Variants in ADGRB3 observed in about 807,000 individuals in gnomAD.
The protein encoded by ADGRB3 is adhesion G protein-coupled receptor B3, also known as brain-specific angiogenesis inhibitor 3.
Under a neutral mutation model 193.4 loss-of-function variants are expected in ADGRB3, and 37 were observed. The ratio of observed to expected loss-of-function variants is 0.19; its 90% CI spans 0.15 to 0.25. The LOEUF (loss-of-function observed/expected upper bound fraction) is 0.25, where lower values mean the gene tolerates loss of function less well. Ranked by LOEUF, ADGRB3 falls within the 10% of genes least tolerant of loss-of-function variation. The probability of loss-of-function intolerance (pLI) is 1.00; values close to 1 mark genes in which losing one functional copy is unlikely to be tolerated. For missense variants in ADGRB3, 1,637 were observed against 1,852.9 expected (o/e 0.88, Z 2.14); for synonymous variants, 690 against 644.2 (o/e 1.07, Z -1.08).
chr6:69,051,002 T>C (rs984693557), intron 15 of ADGRB3, among the ~76,000 whole-genome samples: 1 of 152,220 alleles, frequency 6.6e-6, no homozygotes, highest in African/African-American at 2.4e-5. Context: ...GAAGTCAGGT[T>C]ATTCCAAGTT....
At chr6:68,684,829 A>G (rs1221039298) in intron 3 of ADGRB3, among the ~76,000 whole-genome samples, 3 of 152,162 alleles carry the variant, frequency 2.0e-5, no homozygotes, top group South Asian at 2.1e-4. Context: ...TCAAATCACC[A>G]TATATTCCTG....
chr6:69,372,105 G>A (rs1426181541), intron 29 of ADGRB3, among the ~76,000 whole-genome samples: 1 of 151,946 alleles, frequency 6.6e-6, no homozygotes, highest in Non-Finnish European at 1.5e-5. Flanking sequence ...AGTTTTCATA[G>A]GAACATTTTC....
chr6:68,762,669 G>A (rs1360153944), intron 3 of ADGRB3, among the ~76,000 whole-genome samples: 1 of 152,006 alleles, frequency 6.6e-6, no homozygotes, highest in Non-Finnish European at 1.5e-5. Context: ...GATACTTAAG[G>A]TCAAGTAGCA....
chr6:68,653,935 T>C (rs1407224493), intron 3 of ADGRB3, among the ~76,000 whole-genome samples: 4 of 151,928 alleles, frequency 2.6e-5, no homozygotes, highest in African/African-American at 4.8e-5. Context: ...TCCTTTGTTA[T>C]TTTACTCCTT....
intron 10 of ADGRB3, among the ~76,000 whole-genome samples, chr6:68,984,219 A>G (rs924656951): frequency 1.4e-4 from 21 of 152,180 alleles, no homozygotes; most frequent in South Asian, 2.1e-4. Context: ...AGGATAGACC[A>G]TAGGGTGGCA....
chr6:69,159,581 T>C (rs1774932160), intron 17 of ADGRB3, among the ~76,000 whole-genome samples: 1 of 152,132 alleles, frequency 6.6e-6, no homozygotes, highest in Admixed American at 6.6e-5. Flanking sequence ...AGACATATAG[T>C]AAATATTTAA....
intron 10 of ADGRB3, among the ~76,000 whole-genome samples, chr6:68,977,295 T>A (rs1768779052): frequency 6.6e-6 from 1 of 151,926 alleles, no homozygotes; most frequent in African/African-American, 2.4e-5. Flanking sequence ...TAAATTAAAT[T>A]TTAATGGATT....
At chr6:69,100,846 G>A (rs765274382) in intron 17 of ADGRB3, among the ~76,000 whole-genome samples, 24 of 70,818 alleles carry the variant, frequency 3.4e-4, no homozygotes, top group Non-Finnish European at 4.0e-4. Flanking sequence ...AGGAAGGAGG[G>A]AGGGAGGGAA....
chr6:68,934,283 A>G (rs539571086), intron 4 of ADGRB3, among the ~76,000 whole-genome samples: 4 of 152,296 alleles, frequency 2.6e-5, no homozygotes, highest in South Asian at 4.1e-4. Context: ...GACAAGACCA[A>G]TTCTGAGCAT....
chr6:68,663,702 G>A (rs964914193), intron 3 of ADGRB3, among the ~76,000 whole-genome samples: 29 of 151,764 alleles, frequency 1.9e-4, no homozygotes, highest in African/African-American at 7.0e-4. Flanking sequence ...TTTTAAAGTG[G>A]CAGAAATTCT....
intron 3 of ADGRB3, among the ~76,000 whole-genome samples, chr6:68,744,325 GTGGCA>G (rs1290513650): frequency 6.6e-6 from 1 of 152,120 alleles, no homozygotes; most frequent in African/African-American, 2.4e-5. Flanking sequence ...GGAAGACAGT[GTGGCA>G]ATTCCTCAAG....
intron 3 of ADGRB3, among the ~76,000 whole-genome samples, chr6:68,836,796 C>T (rs1274783778): frequency 6.6e-6 from 1 of 151,918 alleles, no homozygotes. Flanking sequence ...TTGAGACCAG[C>T]GTGAGCAACA....
At chr6:69,178,473 T>A (rs917099260) in intron 17 of ADGRB3, among the ~76,000 whole-genome samples, 1 of 152,220 alleles carries the variant, frequency 6.6e-6, no homozygotes, top group African/African-American at 2.4e-5. Context: ...AAGTTAATAT[T>A]GACATGTGAG....
In ADGRB3 at chr6:68,973,098, A is replaced by C. The variant is rs547589716; in HGVS notation, c.1526-1665A>C. ...AATGGGAACATGGAATAAATAAATG[A>C]ATATATATTTACATATACTCAGAGG... On this transcript the variant is annotated intron_variant, in intron 8 of 31. Coordinates refer to ENST00000370598, the MANE Select transcript of ADGRB3 (RefSeq NM_001704.3). Among the ~76,000 whole-genome samples the C allele has an allele frequency of 3.3e-5, 5 of 152,324 alleles. No homozygotes were observed. The East Asian group carries it at 9.6e-4, about 29-fold the overall frequency.
At chr6:69,254,492 T>C (rs1766705560) in intron 20 of ADGRB3, among the ~76,000 whole-genome samples, 1 of 152,120 alleles carries the variant, frequency 6.6e-6, no homozygotes, top group Non-Finnish European at 1.5e-5. Context: ...TGTGAGGCTG[T>C]TTCAGCGATA....
rs533087526 is a variant in ADGRB3 at position 68,643,771 on chromosome 6, A to G, written c.757+4339A>G. Among the ~76,000 whole-genome samples, 7 of 151,742 alleles carry G rather than the reference A, an allele frequency of 4.6e-5. No individual in the cohort carries two copies. The South Asian group carries it at 1.5e-3, about 32-fold the overall frequency. On this transcript the variant is annotated intron_variant, in intron 3 of 31. Transcript: ENST00000370598. ...AGATGGTGAAACCACCTTCTCTACTAAAAATACAAAAATTAGCCAGGCATG... is the reference window on the plus strand; with the variant it reads ...AGATGGTGAAACCACCTTCTCTACTGAAAATACAAAAATTAGCCAGGCATG...
chr6:68,854,390 C>A (rs1436897816), intron 3 of ADGRB3, among the ~76,000 whole-genome samples: 1 of 152,034 alleles, frequency 6.6e-6, no homozygotes, highest in Non-Finnish European at 1.5e-5. Flanking sequence ...TGGATGTATT[C>A]TCGCCACAAA....
intron 3 of ADGRB3, among the ~76,000 whole-genome samples, chr6:68,806,734 A>C (rs1767407934): frequency 6.6e-6 from 1 of 152,014 alleles, no homozygotes; most frequent in Admixed American, 6.6e-5. Context: ...AGTATATATG[A>C]CACTCTTCTT....
intron 16 of ADGRB3, among the ~76,000 whole-genome samples, chr6:69,068,125 T>C (rs1771962289): frequency 6.6e-6 from 1 of 152,142 alleles, no homozygotes. Flanking sequence ...ATTTGGCTCA[T>C]GGGCTATTGT....
Sources: gnomAD v4.1 joint callset for allele counts (sites outside exome capture counted in the v4.1 genomes callset) on GRCh38, gnomAD v4.1.1 for gene constraint, MANE v1.5 for transcripts, NCBI Gene and HGNC (gene_info 2026-07-23, HGNC 2026-07-21) for gene names.